Variants in FRAS1 observed in about 807,000 individuals in gnomAD.
FRAS1 encodes extracellular matrix organizing protein FRAS1.
FRAS1 carries 290 observed loss-of-function variants against 435.2 expected under a neutral mutation model. The ratio of observed to expected loss-of-function variants is 0.67; its 90% confidence interval spans 0.61 to 0.73. The LOEUF (loss-of-function observed/expected upper bound fraction) is 0.73, where lower values mean the gene tolerates loss of function less well. Among genes scored for constraint, FRAS1 ranks in the 30% least tolerant of loss-of-function variants. The pLI, the probability that FRAS1 is intolerant of heterozygous loss-of-function variation, is 0.00. For synonymous variants in FRAS1, 1,800 were observed against 1,851.0 expected (o/e 0.97, Z 0.71); for missense variants, 4,860 against 5,001.5 (o/e 0.97, Z 0.85).
Position 78,372,815 on chromosome 4 carries a change from G to T in FRAS1, c.2967G>T (p.Glu989Asp). 1 of 1,612,994 alleles carries T rather than the reference G, an allele frequency of 6.2e-7. No homozygotes were observed. The highest frequency in any genetic ancestry group is 8.5e-7 in the Non-Finnish European group (1 of 1,179,686). ...GYVLQDGACV[E>D]QCLSSFYQDS... ...TTCTCCAGGATGGGGCCTGCGTGGA[G>T]CAGTGCTTGTCATCATTTTACCAGG... The change falls in exon 24 of 74, where the codon GAG (glutamate) becomes GAT (aspartate). Residue 989 changes from glutamate to aspartate, a missense_variant. Coordinates refer to ENST00000512123, the MANE Select transcript of FRAS1 (RefSeq NM_025074.7).
intron 1 of FRAS1, among the ~76,000 whole-genome samples, chr4:78,060,631 T>G (rs1739717340): frequency 6.6e-6 from 1 of 152,220 alleles, no homozygotes; most frequent in African/African-American, 2.4e-5. Context: ...TATTTTGAAT[T>G]AAGCTTAACT....
Position 78,464,105 on chromosome 4 carries a change from C to A in FRAS1, c.6848C>A (p.Ser2283Ter). Residue 2283 changes from serine to a stop codon, truncating the protein, a stop_gained, in exon 48 of 74, where the codon TCA becomes TAA. Transcript: ENST00000512123. LOFTEE classifies it high-confidence loss of function. Reference protein sequence around the residue: ...YVHSSEAEKHSDAFSFTLSDG... With the variant: ...YVHSSEAEKH ...CATTCTAGTGAGGCTGAGAAACATT[C>A]AGATGCCTTCAGCTTTACACTGTCT... 6.2e-7 allele frequency: 1 copy of A among 1,613,590 alleles called. No individual in the cohort carries two copies. Among genetic ancestry groups the A allele is most frequent in the Non-Finnish European group, 8.5e-7 (1 of 1,179,792 alleles).
At chr4:78,299,202 T>C (rs1208482808) in intron 14 of FRAS1, among the ~76,000 whole-genome samples, 1 of 152,184 alleles carries the variant, frequency 6.6e-6, no homozygotes, top group African/African-American at 2.4e-5. Flanking sequence ...TAGTGGAAGA[T>C]GGAGCAGGAA....
chr4:78,436,448 C>A (rs1309033356), intron 38 of FRAS1, among the ~76,000 whole-genome samples: 1 of 152,174 alleles, frequency 6.6e-6, no homozygotes, highest in African/African-American at 2.4e-5. Context: ...TATACCCTAA[C>A]CATTCTAATC....
intron 42 of FRAS1, 59 bp from the exon 43 acceptor site, chr4:78,446,668 G>A (rs984455495): frequency 2.2e-5 from 34 of 1,565,452 alleles, no homozygotes; most frequent in Middle Eastern, 3.4e-4. Flanking sequence ...TCTGAATAAT[G>A]TGCATTTTCT....
chr4:78,465,745 C>T (rs570407668), intron 49 of FRAS1, among the ~76,000 whole-genome samples: 37 of 152,278 alleles, frequency 2.4e-4, no homozygotes, highest in Non-Finnish European at 4.9e-4. Flanking sequence ...TGGTGGGAAA[C>T]CCTTGGAAAG....
At chr4:78,330,872 G>T (rs1422370250) in intron 18 of FRAS1, among the ~76,000 whole-genome samples, 1 of 152,182 alleles carries the variant, frequency 6.6e-6, no homozygotes, top group Admixed American at 6.5e-5. Context: ...CTATTACTTT[G>T]TGAAGTACTT....
intron 38 of FRAS1, among the ~76,000 whole-genome samples, chr4:78,434,146 C>T (rs1734322932): frequency 6.6e-6 from 1 of 152,102 alleles, no homozygotes; most frequent in Non-Finnish European, 1.5e-5. Flanking sequence ...CATCTGAAAT[C>T]CTAGTCACAA....
At chr4:78,117,612 G>T (rs1718705303) in intron 2 of FRAS1, among the ~76,000 whole-genome samples, 1 of 152,090 alleles carries the variant, frequency 6.6e-6, no homozygotes, top group African/African-American at 2.4e-5. Flanking sequence ...CTTTCTTCTA[G>T]TTGATCGAAT....
chr4:78,131,997 C>G (rs1361824144), intron 2 of FRAS1, among the ~76,000 whole-genome samples: 1 of 152,184 alleles, frequency 6.6e-6, no homozygotes, highest in Non-Finnish European at 1.5e-5. Context: ...ACTAAACAAG[C>G]TGTTAAAACC....
At chr4:78,515,375 C>T (rs80303897) in intron 65 of FRAS1, among the ~76,000 whole-genome samples, 6,140 of 147,890 alleles carry the variant, frequency 0.042, 183 homozygotes, top group Non-Finnish European at 0.064. Flanking sequence ...TTAAAAATCA[C>T]TCTTAAAATA....
chr4:78,139,871 T>G lies in FRAS1; in HGVS notation c.108+73855T>G, dbSNP rs192022280. ...TTGGGCTACTGGCTGAGACTTGCTA[T>G]CTAGAGATATTGGTGAACTATATTG... On this transcript the variant is annotated intron_variant, in intron 2 of 73. Transcript: ENST00000512123. Among the ~76,000 whole-genome samples, 4 of 152,322 alleles carry G rather than the reference T, an allele frequency of 2.6e-5. No individual in the cohort carries two copies. The East Asian group carries it at 7.7e-4, about 29-fold the overall frequency.
chr4:78,440,155 C>T (rs555765302), intron 40 of FRAS1, among the ~76,000 whole-genome samples: 9 of 151,252 alleles, frequency 6.0e-5, no homozygotes, highest in Non-Finnish European at 1.0e-4. Flanking sequence ...CTCAGCCTCC[C>T]GAGTAGCTGG....
At chr4:78,075,050 A>G (rs141474653) in intron 2 of FRAS1, among the ~76,000 whole-genome samples, 1 of 152,278 alleles carries the variant, frequency 6.6e-6, no homozygotes, top group Non-Finnish European at 1.5e-5. Context: ...TGGAAGAGGA[A>G]AGAAGACAGA....
chr4:78,184,818 T>C (rs1432176427), intron 2 of FRAS1, among the ~76,000 whole-genome samples: 1 of 152,196 alleles, frequency 6.6e-6, no homozygotes, highest in Non-Finnish European at 1.5e-5. Context: ...TAAAGTCAAC[T>C]GATTAGGGAT....
At chr4:78,356,880 A>G (rs1730878096) in intron 20 of FRAS1, among the ~76,000 whole-genome samples, 1 of 152,312 alleles carries the variant, frequency 6.6e-6, no homozygotes, top group Middle Eastern at 3.4e-3. Context: ...ACACACACAC[A>G]CACGCATACA....
chr4:78,202,804 C>T (rs573256675), intron 2 of FRAS1, among the ~76,000 whole-genome samples: 10 of 152,360 alleles, frequency 6.6e-5, no homozygotes, highest in East Asian at 3.9e-4. Context: ...CCCACACCCA[C>T]GTGTTAAGCA....
At chr4:78,188,936 C>A (rs1722407344) in intron 2 of FRAS1, among the ~76,000 whole-genome samples, 2 of 152,194 alleles carry the variant, frequency 1.3e-5, no homozygotes, top group South Asian at 4.1e-4. Flanking sequence ...AAAAACAGCT[C>A]AAAGTATGTG....
At chr4:78,452,080 G>T (rs556715908) in intron 46 of FRAS1, 95 bp from the exon 47 acceptor site, 1 of 1,382,328 alleles carries the variant, frequency 7.2e-7, no homozygotes, top group South Asian at 1.2e-5. Flanking sequence ...CAGGCCTAGA[G>T]ATGACTCTGA....
Sources: gnomAD v4.1 joint callset for allele counts (sites outside exome capture counted in the v4.1 genomes callset) on GRCh38, gnomAD v4.1.1 for gene constraint, MANE v1.5 for transcripts, NCBI Gene and HGNC (gene_info 2026-07-23, HGNC 2026-07-21) for gene names.